The following PCDH7 variants were observed in gnomAD, a reference collection of about 807,000 sequenced individuals.
PCDH7 encodes the protein protocadherin-7.
PCDH7 carries 17 observed loss-of-function variants against 58.9 expected under a neutral mutation model. That is an observed-to-expected ratio of 0.29 (90% CI 0.20 to 0.43). PCDH7 has a LOEUF of 0.43. PCDH7 is among the 20% of genes least tolerant of loss of function. The pLI, the probability that PCDH7 is intolerant of heterozygous loss-of-function variation, is 1.00. For synonymous variants in PCDH7, 664 were observed against 616.4 expected (o/e 1.08, Z -1.14); for missense variants, 1,274 against 1,441.0 (o/e 0.88, Z 1.88).
intron 1 of PCDH7, among the ~76,000 whole-genome samples, chr4:30,754,376 G>A (rs1266830253): frequency 6.6e-6 from 1 of 152,160 alleles, no homozygotes; most frequent in African/African-American, 2.4e-5. Flanking sequence ...ATGAGCAGAA[G>A]TGTATCACTT....
In PCDH7 at chr4:30,720,442, C is replaced by G. The variant is rs1052020272; in HGVS notation, c.-981C>G. On this transcript the variant is annotated 5_prime_UTR_variant, in exon 1 of 2. Transcript: ENST00000361762. This position sits in a 1 kb window ranked among gnomAD's most constrained non-coding sequence, Gnocchi z 4.7. Reference sequence around the variant, plus strand: ...ATGCAGGTGAGAAAAGGCACGGACTCTGCGGCTGCGAACCCAAACTTGGGC... The same window carrying G: ...ATGCAGGTGAGAAAAGGCACGGACTGTGCGGCTGCGAACCCAAACTTGGGC... The G allele has an allele frequency of 6.5e-6, 1 of 152,752 alleles. No homozygotes were observed. Among genetic ancestry groups the G allele is most frequent in the Non-Finnish European group, 1.5e-5 (1 of 68,106 alleles). The allele number at this position is 152,752 out of a possible 1,614,324, so 9.5% of individuals were successfully genotyped here.
intron 1 of PCDH7, among the ~76,000 whole-genome samples, chr4:30,849,513 G>A (rs1732436754): frequency 6.6e-6 from 1 of 152,080 alleles, no homozygotes; most frequent in South Asian, 2.1e-4. Flanking sequence ...TGAACAATAT[G>A]CATGTGTGCA....
At chr4:31,003,400 A>G (rs370812421) in intron 3 of PCDH7, among the ~76,000 whole-genome samples, 1 of 151,546 alleles carries the variant, frequency 6.6e-6, no homozygotes, top group African/African-American at 2.4e-5. Flanking sequence ...CTTCTTTACC[A>G]ATTGCTACTG....
intron 3 of PCDH7, among the ~76,000 whole-genome samples, chr4:31,047,078 A>G (rs900019773): frequency 4.6e-5 from 7 of 152,080 alleles, no homozygotes; most frequent in Non-Finnish European, 8.8e-5. Flanking sequence ...TCACTAAAAC[A>G]CAAATTTTTT....
intron 1 of PCDH7, among the ~76,000 whole-genome samples, chr4:30,814,552 A>AT (rs914389811): frequency 4.2e-4 from 63 of 150,190 alleles, no homozygotes; most frequent in African/African-American, 1.5e-3. Flanking sequence ...GGCCTAAGAA[A>AT]TTTTTTTTTT....
chr4:30,775,546 A>G (rs1396124896), intron 1 of PCDH7, among the ~76,000 whole-genome samples: 2 of 152,220 alleles, frequency 1.3e-5, no homozygotes, highest in East Asian at 3.9e-4. Context: ...CTTTCATACA[A>G]TTGATTCTTG....
chr4:31,009,073 A>C (rs1752988561), intron 3 of PCDH7, among the ~76,000 whole-genome samples: 1 of 152,136 alleles, frequency 6.6e-6, no homozygotes. Flanking sequence ...TTGACACATA[A>C]GTGAAAGGCA....
intron 3 of PCDH7, among the ~76,000 whole-genome samples, chr4:31,103,974 T>C (rs758312094): frequency 2.0e-5 from 3 of 152,174 alleles, no homozygotes; most frequent in Non-Finnish European, 2.9e-5. Flanking sequence ...CTCCATGCAA[T>C]TACTTATGCT....
At chr4:30,922,671 C>T (rs1351564230) in intron 2 of PCDH7, among the ~76,000 whole-genome samples, 3 of 151,966 alleles carry the variant, frequency 2.0e-5, no homozygotes, top group Non-Finnish European at 4.4e-5. Flanking sequence ...GTTTTTAAGG[C>T]CTGTCAAAAG....
At chr4:30,789,790 C>T (rs1234015088) in intron 1 of PCDH7, among the ~76,000 whole-genome samples, 5 of 152,146 alleles carry the variant, frequency 3.3e-5, no homozygotes, top group Admixed American at 2.6e-4. Context: ...CCCATTAATT[C>T]CTTATTTTCC....
rs756843349 is a variant in PCDH7, at chr4:30,722,269, G to A, written c.847G>A (p.Gly283Ser). The A allele has an allele frequency of 6.3e-7, 1 of 1,596,474 alleles. No individual in the cohort carries two copies. The highest frequency in any genetic ancestry group is 8.5e-7 in the Non-Finnish European group (1 of 1,172,708). The change falls in exon 1 of 2, where the codon GGC becomes AGC. Residue 283 changes from glycine to serine, a missense_variant. Around this residue, in one of 3 missense-constraint regions of PCDH7, gnomAD observed 331 missense variants for 303.2 expected, o/e 1.09. Coordinates refer to ENST00000361762, the Ensembl canonical transcript of PCDH7. The surrounding 1 kb of genome is among the most constrained non-coding windows in gnomAD (Gnocchi z 7.6). ...CGAGCTGACCCTGCGAGTGCGCGAC[G>A]GCGGCGACCCGCCTCGCTCCTCGCA...
intron 1 of PCDH7, among the ~76,000 whole-genome samples, chr4:30,749,254 G>A (rs1380867166): frequency 6.6e-6 from 1 of 152,154 alleles, no homozygotes; most frequent in Non-Finnish European, 1.5e-5. Context: ...AGATACTAAT[G>A]GAAATATTAC....
At chr4:30,752,172 C>T (rs1290105469) in intron 1 of PCDH7, among the ~76,000 whole-genome samples, 1 of 151,800 alleles carries the variant, frequency 6.6e-6, no homozygotes, top group Non-Finnish European at 1.5e-5. Flanking sequence ...CACTCTGTCG[C>T]ACCCAGGCTG....
At chr4:31,108,161 G>T (rs942227169) in intron 3 of PCDH7, among the ~76,000 whole-genome samples, 1 of 151,856 alleles carries the variant, frequency 6.6e-6, no homozygotes, top group Non-Finnish European at 1.5e-5. Context: ...ACCAGATCAT[G>T]TTTATGGTAT....
intron 2 of PCDH7, among the ~76,000 whole-genome samples, chr4:30,943,193 TG>T (rs1469822965): frequency 6.6e-6 from 1 of 152,114 alleles, no homozygotes; most frequent in Non-Finnish European, 1.5e-5. Flanking sequence ...TTTTCACCCT[TG>T]TTTATAACTT....
At chr4:30,957,971 G>A (rs1748022782) in intron 3 of PCDH7, among the ~76,000 whole-genome samples, 1 of 152,046 alleles carries the variant, frequency 6.6e-6, no homozygotes, top group Non-Finnish European at 1.5e-5. Context: ...TATGTTTTAT[G>A]ACACTTGAAC....
chr4:31,109,887 C>T (rs544124553), intron 3 of PCDH7, among the ~76,000 whole-genome samples: 9 of 152,264 alleles, frequency 5.9e-5, no homozygotes, highest in East Asian at 3.9e-4. Context: ...CATAGGCAGA[C>T]GCTGTTACAA....
intron 1 of PCDH7, among the ~76,000 whole-genome samples, chr4:30,913,700 A>G (rs182267004): frequency 4.6e-5 from 7 of 152,284 alleles, no homozygotes; most frequent in Admixed American, 3.9e-4. Context: ...CTTTGCAATA[A>G]TATCATTAGA....
chr4:31,091,981 G>A (rs918714854), intron 3 of PCDH7, among the ~76,000 whole-genome samples: 6 of 151,812 alleles, frequency 4.0e-5, no homozygotes, highest in Admixed American at 6.6e-5. Context: ...TCTGGTGGTC[G>A]TCTGAGTAAT....
Sources: gnomAD v4.1 joint callset for allele counts (sites outside exome capture counted in the v4.1 genomes callset) on GRCh38, gnomAD v4.1.1 for gene constraint, gnomAD v4.1.1 regional missense constraint, Gnocchi (gnomAD v3.1) non-coding constraint, MANE v1.5 for transcripts, NCBI Gene and HGNC (gene_info 2026-07-23, HGNC 2026-07-21) for gene names.